Variants in AGFG1 observed in about 807,000 individuals in gnomAD.
AGFG1 encodes the protein ArfGAP with FG repeats 1.
AGFG1 carries 10 observed loss-of-function variants against 60.6 expected under a neutral mutation model. The ratio of observed to expected loss-of-function variants is 0.16; its 90% confidence interval spans 0.10 to 0.28. AGFG1 has a LOEUF of 0.28. Among genes scored for constraint, AGFG1 ranks in the 10% least tolerant of loss-of-function variants. The pLI is 1.00. For missense variants in AGFG1, 537 were observed against 676.5 expected, an observed-to-expected ratio of 0.79 and a Z score of 2.29; for synonymous variants, 247 against 242.9, an observed-to-expected ratio of 1.02 and a Z score of -0.16.
chr2:227,510,337 G>T (rs1691459404), intron 2 of AGFG1, among the ~76,000 whole-genome samples: 1 of 152,112 alleles, frequency 6.6e-6, no homozygotes, highest in Non-Finnish European at 1.5e-5. Flanking sequence ...TGACTTATCA[G>T]GTCCTGTTTC....
intron 1 of AGFG1, among the ~76,000 whole-genome samples, chr2:227,481,624 G>T (rs1382805186): frequency 6.6e-6 from 1 of 152,014 alleles, no homozygotes; most frequent in Non-Finnish European, 1.5e-5. Flanking sequence ...AAGAACTGTC[G>T]TGTGCTTTTG....
chr2:227,477,397 A>C (rs1314683409), intron 1 of AGFG1, among the ~76,000 whole-genome samples: 1 of 152,198 alleles, frequency 6.6e-6, no homozygotes, highest in Non-Finnish European at 1.5e-5. Context: ...TCCAAGCTCA[A>C]CTTTAAGTTG....
At chr2:227,478,215 A>C (rs1690342731) in intron 1 of AGFG1, among the ~76,000 whole-genome samples, 1 of 142,160 alleles carries the variant, frequency 7.0e-6, no homozygotes, top group Non-Finnish European at 1.5e-5. Context: ...TTTATCAAAA[A>C]ATTCAGTTAA....
At position 227,521,805 on chromosome 2, in the gene AGFG1, TATTC is replaced by T. The variant is rs376104514; in HGVS notation, c.377+1748_377+1751del. The stretch of plus-strand genomic sequence containing the variant: ...CCCCACATTTATAACAGTAATGTAT[TATTC>T]ATTCAAACTATAACGCAAATACCTA... On this transcript the variant is annotated intron_variant, in intron 3 of 12. Transcript: ENST00000310078. Among the ~76,000 whole-genome samples, 74 of 152,198 alleles carry T rather than the reference TATTC, an allele frequency of 4.9e-4. No individual in the cohort carries two copies. The East Asian group carries it at 0.012, about 24-fold the overall frequency.
chr2:227,473,853 T>G (rs964932035), intron 1 of AGFG1, among the ~76,000 whole-genome samples: 5 of 152,240 alleles, frequency 3.3e-5, no homozygotes, highest in African/African-American at 7.2e-5. Flanking sequence ...TGTTATTTCT[T>G]CAGCAGACAT....
chr2:227,508,768 T>A, intron 2 of AGFG1: 1 of 398,826 alleles, frequency 2.5e-6, no homozygotes, highest in Non-Finnish European at 4.9e-6. Context: ...GGGAATAATT[T>A]GTAAAATTAT....
rs922971175 is a variant in AGFG1 at position 227,557,239 on chromosome 2, A to C, written c.*2744A>C. 6.6e-6 allele frequency: 1 copy of C among 152,210 alleles called. No individual in the cohort carries two copies. Among genetic ancestry groups the C allele is most frequent in the Non-Finnish European group, 1.5e-5 (1 of 68,036 alleles). 9.4% of individuals were successfully genotyped at this position (152,210 alleles called of 1,614,324 possible). A position where few individuals can be genotyped will look rare whatever the true frequency, so the allele number is the denominator to read the frequency against. ...GGATGGCAAACTTTTGACATAGTTTAAAGACATTTTTTCCCCATTTTTTGA... is the reference window on the plus strand; with the variant it reads ...GGATGGCAAACTTTTGACATAGTTTCAAGACATTTTTTCCCCATTTTTTGA... On this transcript the variant is annotated 3_prime_UTR_variant, in exon 13 of 13. Coordinates refer to ENST00000310078, the MANE Select transcript of AGFG1 (RefSeq NM_004504.5).
At chr2:227,476,962 T>C (rs1690302087) in intron 1 of AGFG1, among the ~76,000 whole-genome samples, 1 of 150,192 alleles carries the variant, frequency 6.7e-6, no homozygotes, top group Non-Finnish European at 1.5e-5. Flanking sequence ...AGTGCAGTGG[T>C]ACGATCACGG....
intron 10 of AGFG1, among the ~76,000 whole-genome samples, chr2:227,547,885 T>C (rs1426814230): frequency 6.6e-6 from 1 of 152,194 alleles, no homozygotes; most frequent in Non-Finnish European, 1.5e-5. Flanking sequence ...CACAAAAATT[T>C]GTACACAAAT....
At chr2:227,530,984 G>T in intron 5 of AGFG1, 107 bp from the exon 6 acceptor site, 1 of 1,051,250 alleles carries the variant, frequency 9.5e-7, no homozygotes, top group Non-Finnish European at 1.3e-6. Context: ...TATAAAGTGA[G>T]TTTTGATACA....
chr2:227,541,419 C>T (rs1011428014), intron 10 of AGFG1, among the ~76,000 whole-genome samples: 4 of 152,138 alleles, frequency 2.6e-5, no homozygotes, highest in African/African-American at 9.7e-5. Flanking sequence ...ATGTGGCTAG[C>T]CAGTTTTCCC....
intron 1 of AGFG1, among the ~76,000 whole-genome samples, chr2:227,484,999 C>T (rs1168053940): frequency 2.6e-5 from 4 of 151,980 alleles, no homozygotes; most frequent in African/African-American, 4.8e-5. Flanking sequence ...CATAAGCCAC[C>T]GTACCTAGCC....
At chr2:227,539,824 A>G (rs1055231749) in intron 10 of AGFG1, among the ~76,000 whole-genome samples, 4 of 149,964 alleles carry the variant, frequency 2.7e-5, no homozygotes, top group African/African-American at 9.8e-5. Flanking sequence ...TTTTATCAGT[A>G]TATTTCTCTT....
intron 2 of AGFG1, among the ~76,000 whole-genome samples, chr2:227,503,649 C>T (rs1691223665): frequency 6.6e-6 from 1 of 152,156 alleles, no homozygotes; most frequent in Non-Finnish European, 1.5e-5. Flanking sequence ...ACCAGCTGCC[C>T]AAATTGAGAT....
chr2:227,481,719 A>T (rs1420972469), intron 1 of AGFG1, among the ~76,000 whole-genome samples: 1 of 152,168 alleles, frequency 6.6e-6, no homozygotes, highest in Non-Finnish European at 1.5e-5. Flanking sequence ...GGTACACAAG[A>T]TAGGAGTTTT....
intron 2 of AGFG1, among the ~76,000 whole-genome samples, chr2:227,513,037 A>T (rs1691540850): frequency 6.6e-6 from 1 of 152,154 alleles, no homozygotes; most frequent in African/African-American, 2.4e-5. Context: ...TATCCTTTTT[A>T]TGAAAATAAG....
intron 6 of AGFG1, among the ~76,000 whole-genome samples, chr2:227,532,960 G>A (rs1692205799): frequency 6.6e-6 from 1 of 152,098 alleles, no homozygotes. Flanking sequence ...ATATGGTACG[G>A]CATGATTTTA....
chr2:227,512,534 A>G (rs1035644705), intron 2 of AGFG1, among the ~76,000 whole-genome samples: 20 of 152,314 alleles, frequency 1.3e-4, no homozygotes, highest in Admixed American at 9.1e-4. Context: ...CATGGCATAT[A>G]TTTGAGATTA....
At chr2:227,502,766 T>A (rs1691197400) in intron 2 of AGFG1, among the ~76,000 whole-genome samples, 1 of 152,254 alleles carries the variant, frequency 6.6e-6, no homozygotes, top group Admixed American at 6.5e-5. Context: ...ATGAGGATAA[T>A]CTTATTTATT....
Sources: gnomAD v4.1 joint callset for allele counts (sites outside exome capture counted in the v4.1 genomes callset) on GRCh38, gnomAD v4.1.1 for gene constraint, MANE v1.5 for transcripts, NCBI Gene and HGNC (gene_info 2026-07-23, HGNC 2026-07-21) for gene names.